The following CMSS1 variants were observed in gnomAD, a reference collection of about 807,000 sequenced individuals.
CMSS1 encodes cms1 ribosomal small subunit homolog, also known as protein CMSS1.
In CMSS1, 33 loss-of-function variants were observed where a neutral mutation model predicts 43.5. The ratio of observed to expected loss-of-function variants is 0.76; its 90% CI spans 0.57 to 1.01. The LOEUF is 1.01. Among genes scored for constraint, CMSS1 ranks in the 50% least tolerant of loss-of-function variants. The pLI is 0.00. For synonymous variants in CMSS1, 115 were observed against 117.2 expected, an observed-to-expected ratio of 0.98 and a Z score of 0.12; for missense variants, 313 against 326.4, an observed-to-expected ratio of 0.96 and a Z score of 0.32.
chr3:99,818,144 G>A, intron 1 of CMSS1, 101 bp downstream of exon 1: 1 of 1,127,120 alleles, frequency 8.9e-7, no homozygotes, highest in Non-Finnish European at 1.3e-6. Flanking sequence ...TGCCCAGCAG[G>A]GGTGTGCACC....
chr3:99,948,114 G>A (rs1708064161), intron 1 of CMSS1, among the ~76,000 whole-genome samples: 1 of 152,088 alleles, frequency 6.6e-6, no homozygotes, highest in Non-Finnish European at 1.5e-5. Flanking sequence ...GCTGTCTTAT[G>A]TCCAAAAAAT....
At chr3:100,033,035 C>T (rs979098521) in intron 1 of CMSS1, among the ~76,000 whole-genome samples, 2 of 151,550 alleles carry the variant, frequency 1.3e-5, no homozygotes, top group Non-Finnish European at 2.9e-5. Flanking sequence ...TTCCACTCTA[C>T]TGTTACCATT....
At chr3:99,891,036 G>T (rs143310051) in intron 1 of CMSS1, among the ~76,000 whole-genome samples, 2 of 151,440 alleles carry the variant, frequency 1.3e-5, no homozygotes, top group Non-Finnish European at 2.9e-5. Flanking sequence ...GGATCTTTGG[G>T]ATTTTTTTCT....
chr3:99,985,497 CA>C (rs1375364211), intron 1 of CMSS1, among the ~76,000 whole-genome samples: 1 of 151,480 alleles, frequency 6.6e-6, no homozygotes, highest in Non-Finnish European at 1.5e-5. Context: ...GACCCTGTCT[CA>C]AAAAAACAAG....
intron 1 of CMSS1, among the ~76,000 whole-genome samples, chr3:99,992,030 G>C (rs1709539280): frequency 6.7e-6 from 1 of 149,116 alleles, no homozygotes; most frequent in African/African-American, 2.5e-5. Context: ...ATATATACGT[G>C]TATATATATA....
intron 1 of CMSS1, among the ~76,000 whole-genome samples, chr3:100,142,982 A>G (rs1369980155): frequency 1.3e-5 from 2 of 152,200 alleles, no homozygotes; most frequent in Admixed American, 6.5e-5. Context: ...AGACAAGGTA[A>G]AATTATGTGC....
chr3:99,915,534 T>A (rs1292700067), intron 1 of CMSS1, among the ~76,000 whole-genome samples: 1 of 152,190 alleles, frequency 6.6e-6, no homozygotes, highest in Non-Finnish European at 1.5e-5. Flanking sequence ...TTTCGCATAT[T>A]TGGAAGGCTA....
intron 1 of CMSS1, among the ~76,000 whole-genome samples, chr3:99,963,381 A>G (rs977937920): frequency 6.6e-6 from 1 of 152,170 alleles, no homozygotes; most frequent in African/African-American, 2.4e-5. Flanking sequence ...AGCCTGTGCT[A>G]TATAGGAAAA....
At chr3:100,147,684 G>T (rs1236766196) in intron 2 of CMSS1, among the ~76,000 whole-genome samples, 1 of 152,168 alleles carries the variant, frequency 6.6e-6, no homozygotes, top group Non-Finnish European at 1.5e-5. Flanking sequence ...CCTAAAAGGA[G>T]ATAAATAGTA....
At chr3:100,163,765 A>T (rs906795291) in intron 4 of CMSS1, among the ~76,000 whole-genome samples, 3 of 152,126 alleles carry the variant, frequency 2.0e-5, no homozygotes, top group African/African-American at 7.2e-5. Context: ...TTAGGCAGGG[A>T]TGGGAGGAAA....
chr3:99,830,310 T>C (rs1371173173), intron 1 of CMSS1: 8 of 349,052 alleles, frequency 2.3e-5, no homozygotes, highest in Admixed American at 1.1e-4. Context: ...CAAAGCTGCT[T>C]CACCATTTCC....
At chr3:99,944,078 G>A (rs1707932907) in intron 1 of CMSS1, among the ~76,000 whole-genome samples, 1 of 152,208 alleles carries the variant, frequency 6.6e-6, no homozygotes, top group Non-Finnish European at 1.5e-5. Context: ...AACATCAAAT[G>A]AGATAAGAAA....
intron 1 of CMSS1, among the ~76,000 whole-genome samples, chr3:99,843,540 A>C (rs1011333118): frequency 3.3e-5 from 5 of 152,218 alleles, no homozygotes; most frequent in African/African-American, 7.2e-5. Flanking sequence ...TTTTTGACTT[A>C]TGATGGGGTT....
chr3:100,004,607 T>A (rs540140304), intron 1 of CMSS1, among the ~76,000 whole-genome samples: 2 of 152,282 alleles, frequency 1.3e-5, no homozygotes, highest in African/African-American at 4.8e-5. Flanking sequence ...AACATCATCA[T>A]CATCAGGACA....
chr3:100,057,316 A>G (rs2065481453), intron 1 of CMSS1, among the ~76,000 whole-genome samples: 1 of 152,240 alleles, frequency 6.6e-6, no homozygotes, highest in African/African-American at 2.4e-5. Context: ...AGGAAAGATG[A>G]CATGATCTCT....
intron 1 of CMSS1, among the ~76,000 whole-genome samples, chr3:100,056,670 G>C (rs2065468573): frequency 6.6e-6 from 1 of 151,596 alleles, no homozygotes; most frequent in Admixed American, 6.6e-5. Flanking sequence ...GCTTTGGACT[G>C]CCACACAACC....
At chr3:99,907,011 G>C (rs887967206) in intron 1 of CMSS1, among the ~76,000 whole-genome samples, 1 of 152,010 alleles carries the variant, frequency 6.6e-6, no homozygotes, top group African/African-American at 2.4e-5. Flanking sequence ...ATAATGTTTA[G>C]ATAATTTAAA....
chr3:100,020,760 CTTTTT>C (rs34665880), intron 1 of CMSS1, among the ~76,000 whole-genome samples: 1 of 70,994 alleles, frequency 1.4e-5, no homozygotes, highest in African/African-American at 5.9e-5. Flanking sequence ...GAATAATTAG[CTTTTT>C]TTTTTTTTTT....
At position 99,971,318 on chromosome 3, in the gene CMSS1, T is replaced by C. The variant is rs1451042181; in HGVS notation, c.64+153275T>C. ...TCGTGCCACTGCCCACCAGCCTGGG[T>C]GACAGAGCCCATCTCAAAAAAAAAA... On this transcript the variant is annotated intron_variant, in intron 1 of 9. Coordinates refer to ENST00000421999, the MANE Select transcript of CMSS1 (RefSeq NM_032359.4). Among the ~76,000 whole-genome samples, 155 of 130,082 alleles carry C rather than the reference T, an allele frequency of 1.2e-3. 1 individual carries two copies. Among genetic ancestry groups the C allele is most frequent in the Admixed American group, 3.2e-3 (38 of 11,836 alleles). The allele number at this position is 130,082 out of a possible 152,430, so 85.3% of individuals were successfully genotyped here. A position where few individuals can be genotyped will look rare whatever the true frequency, so the allele number is the denominator to read the frequency against.
Sources: gnomAD v4.1 joint callset for allele counts (sites outside exome capture counted in the v4.1 genomes callset) on GRCh38, gnomAD v4.1.1 for gene constraint, MANE v1.5 for transcripts, NCBI Gene and HGNC (gene_info 2026-07-23, HGNC 2026-07-21) for gene names.